The following TOGARAM2 variants were observed in gnomAD, a reference collection of about 807,000 sequenced individuals.
TOGARAM2 encodes TOG array regulator of axonemal microtubules 2, also known as TOG array regulator of axonemal microtubules protein 2.
In TOGARAM2, 85 loss-of-function variants were observed where a neutral mutation model predicts 93.3. That is an observed-to-expected ratio of 0.91 (90% CI 0.76 to 1.09). The LOEUF (loss-of-function observed/expected upper bound fraction) is 1.09, where lower values mean the gene tolerates loss of function less well. Among genes scored for constraint, TOGARAM2 ranks in the 50% least tolerant of loss-of-function variants. The pLI is 0.00. For missense variants in TOGARAM2, 1,277 were observed against 1,334.5 expected, an observed-to-expected ratio of 0.96 and a Z score of 0.67; for synonymous variants, 593 against 552.8, an observed-to-expected ratio of 1.07 and a Z score of -1.02.
chr2:29,033,074 G>A, intron 15 of TOGARAM2, 23 bp downstream of exon 15: 1 of 1,599,436 alleles, frequency 6.3e-7, no homozygotes, highest in Non-Finnish European at 8.5e-7. Flanking sequence ...GCATAAGTGG[G>A]TCATGGCCTT....
intron 16 of TOGARAM2, among the ~76,000 whole-genome samples, chr2:29,034,521 A>G (rs890899337): frequency 4.6e-5 from 7 of 152,340 alleles, no homozygotes; most frequent in Admixed American, 4.6e-4. Context: ...GGCTCTCAGT[A>G]GACAATGAGT....
In TOGARAM2 at chr2:29,035,655, A is replaced by G; in HGVS notation, c.2417A>G (p.Gln806Arg). The change falls in exon 17 of 20, where the codon CAG becomes CGG. Residue 806 changes from glutamine (Q) to arginine (R), a missense_variant and splice_region_variant. By Grantham distance (43) the Gln-to-Arg change is conservative. Transcript: ENST00000379558. ...KTELVTAHLV[Q>R]VFDAFTPRLQ... The stretch of plus-strand genomic sequence containing the variant: ...GAGCTTGTCACTGCCCACCTGGTCC[A>G]GGTGAGCACCGCTTGCTTTTACTCT... 6.9e-7 allele frequency: 1 copy of G among 1,439,656 alleles called. No homozygotes were observed. The highest frequency in any genetic ancestry group is 9.2e-7 in the Non-Finnish European group (1 of 1,087,062). The allele number at this position is 1,439,656 out of a possible 1,614,324, so 89.2% of individuals were successfully genotyped here. A position where few individuals can be genotyped will look rare whatever the true frequency, so the allele number is the denominator to read the frequency against.
In TOGARAM2 at chr2:28,999,314, C is replaced by G; in HGVS notation, c.273C>G (p.Pro91=). Residue 91 remains proline, a synonymous_variant, in exon 4 of 20, where the codon CCC becomes CCG. Coordinates refer to ENST00000379558, the MANE Select transcript of TOGARAM2 (RefSeq NM_199280.4). ...GCTGGCAGGCAAGGAATGGTCACCC[C>G]AGGAACCTCAGGGCCTTGTCTTTGG... ...SKGWQARNGH[P]RNLRALSLGD... 6 of 1,613,868 alleles carry G rather than the reference C, an allele frequency of 3.7e-6. No homozygotes were observed. The Admixed American group carries it at 6.7e-5, about 18-fold the overall frequency.
chr2:28,975,110 A>G (rs541639119), intron 1 of TOGARAM2, among the ~76,000 whole-genome samples: 5 of 147,810 alleles, frequency 3.4e-5, no homozygotes, highest in African/African-American at 1.2e-4. Flanking sequence ...CAGATTATGT[A>G]TTTTTTAGTT....
intron 10 of TOGARAM2, chr2:29,018,466 A>G (rs1358488375): frequency 7.8e-6 from 1 of 127,426 alleles, no homozygotes; most frequent in African/African-American, 2.8e-5. Flanking sequence ...AGGAGCTTCT[A>G]TGTTGCCTCA....
At chr2:29,014,272 T>A in intron 7 of TOGARAM2, 123 bp from the exon 8 acceptor site, 5 of 1,199,960 alleles carry the variant, frequency 4.2e-6, no homozygotes, top group Non-Finnish European at 5.8e-6. Flanking sequence ...AACTCAGGTC[T>A]TGCTCCATTG....
chr2:29,021,038 C>T (rs1268541184), intron 10 of TOGARAM2, among the ~76,000 whole-genome samples: 2 of 152,110 alleles, frequency 1.3e-5, no homozygotes, highest in Non-Finnish European at 2.9e-5. Flanking sequence ...CTCAGCCTCC[C>T]GAGTATCTGG....
At chr2:28,985,749 C>T (rs1463409052) in intron 1 of TOGARAM2, among the ~76,000 whole-genome samples, 1 of 152,126 alleles carries the variant, frequency 6.6e-6, no homozygotes, top group Non-Finnish European at 1.5e-5. Flanking sequence ...TTCTATTCAT[C>T]AGAAAAAGAC....
intron 7 of TOGARAM2, among the ~76,000 whole-genome samples, chr2:29,013,818 A>G (rs1664395379): frequency 6.6e-6 from 1 of 152,344 alleles, no homozygotes; most frequent in Admixed American, 6.5e-5. Flanking sequence ...GCTCCTTCAC[A>G]GACACACCCA....
intron 6 of TOGARAM2, among the ~76,000 whole-genome samples, chr2:29,010,329 C>A (rs1015509852): frequency 9.2e-5 from 14 of 152,118 alleles, no homozygotes; most frequent in African/African-American, 3.1e-4. Context: ...CAGGGGTGCC[C>A]TGGAGCATTC....
chr2:29,009,871 A>T (rs1664117634), intron 6 of TOGARAM2, among the ~76,000 whole-genome samples: 1 of 152,130 alleles, frequency 6.6e-6, no homozygotes, highest in South Asian at 2.1e-4. Context: ...TGCCACGTGC[A>T]GGAAGGCAGG....
intron 14 of TOGARAM2, among the ~76,000 whole-genome samples, chr2:29,030,007 C>T (rs1049126465): frequency 6.6e-6 from 1 of 152,208 alleles, no homozygotes; most frequent in African/African-American, 2.4e-5. Context: ...GGTGCAGTGG[C>T]TCACATCTGT....
Position 29,035,499 on chromosome 2 carries a change from G to T in TOGARAM2, c.2261G>T (p.Arg754Leu). The change falls in exon 17 of 20, where the codon CGC becomes CTC. Residue 754 changes from arginine to leucine, a missense_variant. Physicochemically the swap from Arg to Leu is moderately radical, Grantham distance 102 (BLOSUM62 -2). Coordinates refer to ENST00000379558, the MANE Select transcript of TOGARAM2 (RefSeq NM_199280.4). ...AATGGCCCAAGGCTGGTGGGGCTGC[G>T]CTCCACACTGCAGGGCCGCGGGGAG... Reference protein sequence around the residue: ...SCNGPRLVGLRSTLQGRGEMV... With the variant: ...SCNGPRLVGLLSTLQGRGEMV... The T allele has an allele frequency of 2.7e-6, 4 of 1,506,328 alleles. No homozygotes were observed. Among genetic ancestry groups the T allele is most frequent in the Non-Finnish European group, 3.6e-6 (4 of 1,124,170 alleles). 93.3% of individuals were successfully genotyped at this position (1,506,328 alleles called of 1,614,324 possible).
intron 1 of TOGARAM2, among the ~76,000 whole-genome samples, chr2:28,986,735 GGGACA>G (rs1268676153): frequency 6.6e-6 from 1 of 152,182 alleles, no homozygotes. Context: ...GCTTTCAAAA[GGGACA>G]TTTCCCCTCT....
chr2:28,973,093 C>G (rs978884361), intron 1 of TOGARAM2, among the ~76,000 whole-genome samples: 1 of 152,176 alleles, frequency 6.6e-6, no homozygotes, highest in Non-Finnish European at 1.5e-5. Flanking sequence ...GAGTCCTGCA[C>G]CTTCACATCC....
At chr2:29,003,823 C>A in intron 6 of TOGARAM2, 141 bp downstream of exon 6, 1 of 822,402 alleles carries the variant, frequency 1.2e-6, no homozygotes, top group Non-Finnish European at 1.8e-6. Flanking sequence ...GGGGGCTCCA[C>A]CCATGAGCCA....
At chr2:28,962,002 A>G (rs566670012) in intron 1 of TOGARAM2, among the ~76,000 whole-genome samples, 1 of 152,096 alleles carries the variant, frequency 6.6e-6, no homozygotes, top group South Asian at 2.1e-4. Context: ...CATTGATGGG[A>G]TTTGCTTGTT....
intron 1 of TOGARAM2, among the ~76,000 whole-genome samples, chr2:28,973,459 C>CTCCT (rs1671981799): frequency 5.8e-5 from 8 of 138,774 alleles, no homozygotes; most frequent in African/African-American, 1.9e-4. Flanking sequence ...TCCTTCCTTC[C>CTCCT]TTCCTTCCTC....
chr2:29,008,614 G>T (rs1335221425), intron 6 of TOGARAM2, among the ~76,000 whole-genome samples: 2 of 152,052 alleles, frequency 1.3e-5, no homozygotes, highest in East Asian at 1.9e-4. Flanking sequence ...GCACCACCAG[G>T]CCCGGCTAAT....
Sources: gnomAD v4.1 joint callset for allele counts (sites outside exome capture counted in the v4.1 genomes callset) on GRCh38, gnomAD v4.1.1 for gene constraint, MANE v1.5 for transcripts, NCBI Gene and HGNC (gene_info 2026-07-23, HGNC 2026-07-21) for gene names.